The following PRKACB variants were observed in gnomAD, a reference collection of about 807,000 sequenced individuals.
PRKACB encodes cAMP-dependent protein kinase catalytic subunit beta.
PRKACB carries 16 observed loss-of-function variants against 51.4 expected under a neutral mutation model. That is an observed-to-expected ratio of 0.31 (90% confidence interval 0.21 to 0.47). The LOEUF (loss-of-function observed/expected upper bound fraction) is 0.47, where lower values mean the gene tolerates loss of function less well. Among genes scored for constraint, PRKACB ranks in the 20% least tolerant of loss-of-function variants. PRKACB has a pLI of 1.00. For synonymous variants in PRKACB, 147 were observed against 154.4 expected, an observed-to-expected ratio of 0.95 and a Z score of 0.35; for missense variants, 309 against 464.5, an observed-to-expected ratio of 0.67 and a Z score of 3.08.
intron 1 of PRKACB, among the ~76,000 whole-genome samples, chr1:84,104,754 C>T (rs1353794282): frequency 6.6e-6 from 1 of 152,016 alleles, no homozygotes; most frequent in African/African-American, 2.4e-5. Context: ...TATGTAGAAC[C>T]AATGCTTTTA....
chr1:84,176,700 T>G (rs1278808206), intron 1 of PRKACB, among the ~76,000 whole-genome samples: 5 of 151,832 alleles, frequency 3.3e-5, no homozygotes, highest in Non-Finnish European at 5.9e-5. Flanking sequence ...AGAAAATCCC[T>G]TTATATTTTG....
At chr1:84,187,629 A>T (rs1211083095) in intron 5 of PRKACB, among the ~76,000 whole-genome samples, 1 of 152,156 alleles carries the variant, frequency 6.6e-6, no homozygotes, top group African/African-American at 2.4e-5. Flanking sequence ...TTATGGAAGA[A>T]AGTTCGATTG....
intron 5 of PRKACB, among the ~76,000 whole-genome samples, chr1:84,195,505 A>G (rs1667962613): frequency 6.6e-6 from 1 of 152,248 alleles, no homozygotes; most frequent in Non-Finnish European, 1.5e-5. Context: ...GCAGATTAGT[A>G]GAATTCAAGT....
At chr1:84,080,040 A>C (rs1647402569) in intron 1 of PRKACB, among the ~76,000 whole-genome samples, 1 of 152,230 alleles carries the variant, frequency 6.6e-6, no homozygotes, top group South Asian at 2.1e-4. Context: ...AAAAGTATAA[A>C]GAATTATTTT....
intron 9 of PRKACB, among the ~76,000 whole-genome samples, chr1:84,232,956 A>G (rs942731655): frequency 6.6e-6 from 1 of 151,818 alleles, no homozygotes; most frequent in South Asian, 2.1e-4. Context: ...TCCTGTCATT[A>G]TGATGTTAGC....
intron 1 of PRKACB, among the ~76,000 whole-genome samples, chr1:84,115,110 A>G (rs2100859952): frequency 6.6e-6 from 1 of 152,192 alleles, no homozygotes; most frequent in East Asian, 1.9e-4. Flanking sequence ...AGAAATCTCC[A>G]TACCATTTTC....
intron 1 of PRKACB, among the ~76,000 whole-genome samples, chr1:84,114,573 A>C (rs778837469): frequency 1.3e-5 from 2 of 152,126 alleles, no homozygotes. Context: ...CAAGTACAAT[A>C]TACTTTTGCT....
At chr1:84,102,504 C>G (rs1649429087) in intron 1 of PRKACB, among the ~76,000 whole-genome samples, 2 of 152,178 alleles carry the variant, frequency 1.3e-5, no homozygotes, top group African/African-American at 4.8e-5. Context: ...CCATAGCAGT[C>G]TTATGTGAGG....
At chr1:84,095,793 CAA>C (rs752705169) in intron 1 of PRKACB, among the ~76,000 whole-genome samples, 43 of 151,670 alleles carry the variant, frequency 2.8e-4, no homozygotes, top group Non-Finnish European at 5.0e-4. Flanking sequence ...TATATAATTT[CAA>C]TTATTATATT....
chr1:84,140,165 A>G (rs530116342), upstream of PRKACB, among the ~76,000 whole-genome samples: 1 of 152,356 alleles, frequency 6.6e-6, no homozygotes, highest in Non-Finnish European at 1.5e-5. Context: ...GAATTGACAC[A>G]TATATAGGTC....
chr1:84,225,733 T>C (rs1674479692), intron 9 of PRKACB, among the ~76,000 whole-genome samples: 1 of 152,134 alleles, frequency 6.6e-6, no homozygotes, highest in African/African-American at 2.4e-5. Context: ...GGATCTTACA[T>C]GGCTAGGATT....
At chr1:84,132,578 C>T (rs984458832) in intron 1 of PRKACB, among the ~76,000 whole-genome samples, 1 of 151,956 alleles carries the variant, frequency 6.6e-6, no homozygotes, top group Non-Finnish European at 1.5e-5. Context: ...TGCGAATTAT[C>T]AGCTAAGGAA....
At chr1:84,196,261 C>T (rs41301154) in intron 5 of PRKACB, among the ~76,000 whole-genome samples, 10 of 151,972 alleles carry the variant, frequency 6.6e-5, no homozygotes, top group East Asian at 3.9e-4. Context: ...GCAGTGGCCC[C>T]GATAGACACT....
intron 1 of PRKACB, among the ~76,000 whole-genome samples, chr1:84,088,846 T>C (rs1648228775): frequency 6.6e-6 from 1 of 152,166 alleles, no homozygotes; most frequent in Non-Finnish European, 1.5e-5. Flanking sequence ...GGGAGACAGA[T>C]ACAGATATTT....
intron 1 of PRKACB, among the ~76,000 whole-genome samples, chr1:84,178,243 T>C (rs572073300): frequency 6.6e-6 from 1 of 151,986 alleles, no homozygotes; most frequent in Admixed American, 6.6e-5. Context: ...TTGTGAGCCC[T>C]TCACTAGTAT....
In PRKACB at chr1:84,179,046, TA is replaced by T. The variant is rs1163456865; in HGVS notation, c.188-128del. ...ATAGCTCTTTAATGTATCATGGTGA[TA>T]AATATACATTTTATCACAATAGATG... is the stretch of plus-strand genomic sequence containing the variant. On this transcript the variant is annotated intron_variant, in intron 1 of 9. Coordinates refer to ENST00000370685, the MANE Select transcript of PRKACB (RefSeq NM_182948.4). 3 of 1,092,378 alleles carry T rather than the reference TA, an allele frequency of 2.7e-6. No individual in the cohort carries two copies. In the Admixed American group the frequency reaches 7.7e-5, roughly 28 times the overall value. The allele number at this position is 1,092,378 out of a possible 1,614,324, so 67.7% of individuals were successfully genotyped here.
chr1:84,128,949 T>C (rs1428523493), intron 1 of PRKACB, among the ~76,000 whole-genome samples: 1 of 152,224 alleles, frequency 6.6e-6, no homozygotes, highest in Non-Finnish European at 1.5e-5. Flanking sequence ...TTTAATTTTA[T>C]TTAATTTTAA....
intron 1 of PRKACB, among the ~76,000 whole-genome samples, chr1:84,118,684 A>G (rs1054302965): frequency 6.6e-6 from 1 of 152,086 alleles, no homozygotes; most frequent in Admixed American, 6.6e-5. Context: ...CTCCCCACCA[A>G]GGACACTGAC....
intron 1 of PRKACB, among the ~76,000 whole-genome samples, chr1:84,137,126 A>G (rs1378095715): frequency 6.6e-6 from 1 of 152,184 alleles, no homozygotes; most frequent in Non-Finnish European, 1.5e-5. Context: ...TGAGTCAATC[A>G]AACCCCTTTC....
Sources: gnomAD v4.1 joint callset for allele counts (sites outside exome capture counted in the v4.1 genomes callset) on GRCh38, gnomAD v4.1.1 for gene constraint, MANE v1.5 for transcripts, NCBI Gene and HGNC (gene_info 2026-07-23, HGNC 2026-07-21) for gene names.